Variants in SYT16 observed in about 807,000 individuals in gnomAD.
SYT16 encodes the protein synaptotagmin-16.
In SYT16, 42 loss-of-function variants were observed where a neutral mutation model predicts 61.4. That is an observed-to-expected ratio of 0.68 (90% CI 0.53 to 0.89). The LOEUF (loss-of-function observed/expected upper bound fraction) is 0.89. SYT16 is among the 40% of genes least tolerant of loss of function. SYT16 has a pLI of 0.00. For synonymous variants in SYT16, 314 were observed against 302.3 expected, an observed-to-expected ratio of 1.04 and a Z score of -0.40; for missense variants, 804 against 807.3, an observed-to-expected ratio of 1.00 and a Z score of 0.05.
At chr14:61,959,915 T>G (rs139542560) in intron 1 of SYT16, among the ~76,000 whole-genome samples, 2,310 of 152,098 alleles carry the variant, frequency 0.015, 36 homozygotes, top group Non-Finnish European at 0.022. Flanking sequence ...ACTGCAGCCT[T>G]GACCTCCTAG....
chr14:61,978,307 G>A (rs1006113154), intron 2 of SYT16, among the ~76,000 whole-genome samples: 1 of 152,112 alleles, frequency 6.6e-6, no homozygotes, highest in East Asian at 1.9e-4. Flanking sequence ...AAAATTGGAG[G>A]CAAGATTCTC....
chr14:61,913,240 G>A (rs999490040), intron 1 of SYT16, among the ~76,000 whole-genome samples: 6 of 152,064 alleles, frequency 3.9e-5, no homozygotes, highest in Admixed American at 6.6e-5. Context: ...GCATGTGACC[G>A]TGTCCCCAGA....
intron 1 of SYT16, among the ~76,000 whole-genome samples, chr14:61,827,702 TTTTA>T (rs1378615727): frequency 6.6e-6 from 1 of 152,160 alleles, no homozygotes; most frequent in Non-Finnish European, 1.5e-5. Flanking sequence ...ACTTTTGATA[TTTTA>T]TTTATTGCCA....
intron 1 of SYT16, among the ~76,000 whole-genome samples, chr14:61,853,980 T>C (rs1297122873): frequency 6.6e-6 from 1 of 152,200 alleles, no homozygotes; most frequent in Non-Finnish European, 1.5e-5. Context: ...CAAAAAGGTG[T>C]ACACATAATA....
At chr14:62,085,448 G>A (rs1248412198) in intron 7 of SYT16, among the ~76,000 whole-genome samples, 1 of 152,190 alleles carries the variant, frequency 6.6e-6, no homozygotes, top group Non-Finnish European at 1.5e-5. Flanking sequence ...CCCACCATGG[G>A]CACCAAACTG....
At chr14:61,836,308 C>G (rs1419489830) in intron 1 of SYT16, among the ~76,000 whole-genome samples, 1 of 152,204 alleles carries the variant, frequency 6.6e-6, no homozygotes, top group African/African-American at 2.4e-5. Flanking sequence ...GGTGGCTGCT[C>G]TTGTGTCTGC....
At chr14:61,980,711 T>G (rs1320977679) in intron 2 of SYT16, among the ~76,000 whole-genome samples, 2 of 152,026 alleles carry the variant, frequency 1.3e-5, no homozygotes, top group African/African-American at 4.8e-5. Flanking sequence ...ATGCTTTTGG[T>G]GAAGACAGGG....
At chr14:61,907,106 T>C (rs1367706913) in intron 1 of SYT16, among the ~76,000 whole-genome samples, 2 of 152,246 alleles carry the variant, frequency 1.3e-5, no homozygotes, top group Admixed American at 1.3e-4. Flanking sequence ...AGAACTGCTC[T>C]AAAGGCAAGG....
intron 1 of SYT16, among the ~76,000 whole-genome samples, chr14:61,938,026 A>AACACACAC (rs3071213): frequency 0.032 from 4,316 of 135,682 alleles, 112 homozygotes; most frequent in African/African-American, 0.058. Flanking sequence ...CCTACCCCGC[A>AACACACAC]ACACACACAC....
At chr14:61,930,628 C>A (rs1308658053) in intron 1 of SYT16, among the ~76,000 whole-genome samples, 1 of 151,988 alleles carries the variant, frequency 6.6e-6, no homozygotes, top group Non-Finnish European at 1.5e-5. Flanking sequence ...TCCCCAGGAC[C>A]CATGAATATG....
At chr14:61,915,877 A>T (rs2140392814) in intron 1 of SYT16, among the ~76,000 whole-genome samples, 1 of 152,320 alleles carries the variant, frequency 6.6e-6, no homozygotes, top group Admixed American at 6.5e-5. Context: ...TTCCCTGCTG[A>T]CATCAGTGCA....
At chr14:61,889,589 C>CCT (rs1317873864) in intron 1 of SYT16, among the ~76,000 whole-genome samples, 1 of 150,616 alleles carries the variant, frequency 6.6e-6, no homozygotes, top group Non-Finnish European at 1.5e-5. Flanking sequence ...GCTCTTGCTC[C>CCT]CTCTCTCTCT....
At chr14:61,933,336 C>T (rs999945387) in intron 1 of SYT16, among the ~76,000 whole-genome samples, 3 of 152,188 alleles carry the variant, frequency 2.0e-5, no homozygotes, top group African/African-American at 7.2e-5. Context: ...AGAGGTCTCA[C>T]TTAGTGTCCC....
intron 1 of SYT16, among the ~76,000 whole-genome samples, chr14:61,909,867 G>A (rs1267261730): frequency 8.5e-5 from 13 of 152,102 alleles, no homozygotes; most frequent in Admixed American, 5.9e-4. Context: ...TGGTCTTTCC[G>A]TACCTGTGTT....
At chr14:61,946,533 C>A (rs563250871) in intron 1 of SYT16, among the ~76,000 whole-genome samples, 4 of 152,258 alleles carry the variant, frequency 2.6e-5, no homozygotes, top group Admixed American at 1.3e-4. Flanking sequence ...AAAACCTGCA[C>A]TTGTACCCCT....
chr14:61,894,668 C>T (rs572325136), intron 1 of SYT16, among the ~76,000 whole-genome samples: 3 of 152,108 alleles, frequency 2.0e-5, no homozygotes, highest in African/African-American at 4.8e-5. Context: ...CGCTAGGTGG[C>T]GTGATTATCT....
At chr14:62,008,003 A>G (rs2053292491) in intron 3 of SYT16, among the ~76,000 whole-genome samples, 1 of 152,094 alleles carries the variant, frequency 6.6e-6, no homozygotes, top group African/African-American at 2.4e-5. Context: ...AAAGGGGAAG[A>G]AGCCAGAGCT....
chr14:61,974,200 A>G (rs1380409931), intron 2 of SYT16, among the ~76,000 whole-genome samples: 2 of 152,190 alleles, frequency 1.3e-5, no homozygotes, highest in Non-Finnish European at 2.9e-5. Context: ...GAGCGGGGGC[A>G]GAGAAGATAG....
chr14:62,037,791 G>A (rs756257631), intron 3 of SYT16, among the ~76,000 whole-genome samples: 1 of 152,122 alleles, frequency 6.6e-6, no homozygotes, highest in Non-Finnish European at 1.5e-5. Context: ...CTAAGCTAGT[G>A]ACTCATCTGG....
Sources: allele counts gnomAD v4.1 joint callset (sites outside exome capture counted in the v4.1 genomes callset), GRCh38; gene constraint gnomAD v4.1.1; transcripts MANE v1.5; gene names NCBI Gene and HGNC (gene_info 2026-07-23, HGNC 2026-07-21).